The following SENP7 variants were observed in gnomAD, a reference collection of about 807,000 sequenced individuals.
SENP7 encodes the protein SUMO specific peptidase 7, also known as sentrin-specific protease 7.
SENP7 carries 64 observed loss-of-function variants against 141.2 expected under a neutral mutation model. The observed-to-expected ratio is 0.45, with a 90% CI of 0.37 to 0.56. The LOEUF (loss-of-function observed/expected upper bound fraction) is 0.56. Ranked by LOEUF, SENP7 falls within the 20% of genes least tolerant of loss-of-function variation. The probability of loss-of-function intolerance (pLI) is 0.00; values close to 1 mark genes in which losing one functional copy is unlikely to be tolerated. For missense variants in SENP7, 1,025 were observed against 1,212.2 expected, an observed-to-expected ratio of 0.85 and a Z score of 2.29; for synonymous variants, 382 against 426.4, an observed-to-expected ratio of 0.90 and a Z score of 1.28.
chr3:101,344,989 A>T (rs1221593483), intron 13 of SENP7, among the ~76,000 whole-genome samples: 1 of 113,796 alleles, frequency 8.8e-6, no homozygotes, highest in African/African-American at 3.3e-5. Flanking sequence ...AAAAAAAGAA[A>T]GCAAAAAAAA....
At chr3:101,447,366 C>G (rs528936880) in intron 4 of SENP7, among the ~76,000 whole-genome samples, 1 of 152,138 alleles carries the variant, frequency 6.6e-6, no homozygotes, top group East Asian at 1.9e-4. Context: ...CACTTAAGCC[C>G]AGGAGGTCAA....
chr3:101,334,462 C>G (rs1296327769), intron 17 of SENP7, among the ~76,000 whole-genome samples: 3 of 151,772 alleles, frequency 2.0e-5, no homozygotes, highest in African/African-American at 7.3e-5. Flanking sequence ...TTTATCAAGT[C>G]ATATAGGAAA....
rs1559685091 is a variant in SENP7 at position 101,337,565 on chromosome 3, G to A, written c.2424C>T (p.Phe808=). 1 of 1,587,784 alleles carries A rather than the reference G, an allele frequency of 6.3e-7. No individual in the cohort carries two copies. Among genetic ancestry groups the A allele is most frequent in the Non-Finnish European group, 8.6e-7 (1 of 1,158,688 alleles). The change falls in exon 17 of 24, where the codon TTC becomes TTT. Residue 808 remains phenylalanine, a synonymous_variant. Transcript: ENST00000394095. ...VERSHIFSSF[F]YKCLTRKENN... ...TTTCCTTTCTTGTCAAGCATTTATAGAAAAAGCTACTAAAAATGTGACTTC... is the reference window on the plus strand; with the variant it reads ...TTTCCTTTCTTGTCAAGCATTTATAAAAAAAGCTACTAAAAATGTGACTTC...
intron 3 of SENP7, among the ~76,000 whole-genome samples, chr3:101,482,495 T>A (rs1576487360): frequency 6.6e-6 from 1 of 152,168 alleles, no homozygotes; most frequent in Non-Finnish European, 1.5e-5. Context: ...CTTCACAAGT[T>A]GATCAACAGA....
chr3:101,422,043 A>T (rs915577589), intron 4 of SENP7, among the ~76,000 whole-genome samples: 5 of 152,278 alleles, frequency 3.3e-5, no homozygotes, highest in African/African-American at 1.2e-4. Flanking sequence ...ACACAGCAGG[A>T]GGTGAACGGT....
chr3:101,329,885 G>A (rs4683841), intron 20 of SENP7, among the ~76,000 whole-genome samples: 59,224 of 149,858 alleles, frequency 0.4, 12,230 homozygotes, highest in Admixed American at 0.53. Context: ...AATCCAGGAG[G>A]GGGAGGTTGC....
In SENP7 at chr3:101,331,995, G is replaced by T. The variant is rs79978030; in HGVS notation, c.2688C>A (p.Asn896Lys). 3 of 1,613,052 alleles carry T rather than the reference G, an allele frequency of 1.9e-6. No individual in the cohort carries two copies. In the African/African-American group the frequency reaches 4.0e-5, roughly 22 times the overall value. ...QSQAQQSQND[N>K]KTIDNDLRTT... is the part of the protein sequence containing the mutation. ...CGTTATGGATGTCACCTATTGTTTT[G>T]TTGTCATTTTGGGACTGCTGAGCCT... Residue 896 changes from asparagine (N) to lysine (K), a missense_variant, in exon 19 of 24, where the codon AAC becomes AAA. Asn to Lys is a moderately conservative substitution (Grantham distance 94). This residue lies in a region of SENP7 where 295 missense variants were observed against 459.1 expected (regional missense o/e 0.64). Transcript: ENST00000394095.
chr3:101,362,647 T>C (rs1465441818), intron 10 of SENP7, among the ~76,000 whole-genome samples: 1 of 152,202 alleles, frequency 6.6e-6, no homozygotes, highest in South Asian at 2.1e-4. Flanking sequence ...CCAATGTCTA[T>C]TGTTCCCATC....
intron 6 of SENP7, among the ~76,000 whole-genome samples, chr3:101,383,158 C>T (rs990097770): frequency 1.3e-5 from 2 of 152,170 alleles, no homozygotes; most frequent in Non-Finnish European, 2.9e-5. Flanking sequence ...TCCTTCAGGG[C>T]TTGGTGCCGT....
At chr3:101,385,211 T>C (rs2060619721) in intron 6 of SENP7, among the ~76,000 whole-genome samples, 1 of 151,952 alleles carries the variant, frequency 6.6e-6, no homozygotes, top group Non-Finnish European at 1.5e-5. Flanking sequence ...CATTGACATA[T>C]AGACAAAAAA....
At chr3:101,496,110 C>G (rs12490635) in intron 2 of SENP7, among the ~76,000 whole-genome samples, 60,383 of 151,976 alleles carry the variant, frequency 0.4, 12,509 homozygotes, top group Admixed American at 0.54. Context: ...TTCTTATAAA[C>G]AGACAAATAA....
rs1187061767 is a variant in SENP7, at chr3:101,381,847, A to G, written c.678-9721T>C. On this transcript the variant is annotated intron_variant, in intron 6 of 23. Coordinates refer to ENST00000394095, the MANE Select transcript of SENP7 (RefSeq NM_020654.5). ...AAGAGAAATTTTAAGTTAACAGGGG[A>G]AAATGATCTCAAAATAGAGTATCTT... is the stretch of plus-strand genomic sequence containing the variant. 2.0e-5 allele frequency among the ~76,000 whole-genome samples: 3 copies of G among 152,312 alleles called. No homozygotes were observed. In the East Asian group the frequency reaches 5.8e-4, roughly 29 times the overall value.
chr3:101,458,333 T>C (rs2063427440), intron 4 of SENP7, among the ~76,000 whole-genome samples: 1 of 152,238 alleles, frequency 6.6e-6, no homozygotes, highest in South Asian at 2.1e-4. Flanking sequence ...TGTCATTTTT[T>C]CATTCACTAT....
chr3:101,355,018 T>C lies in SENP7; in HGVS notation c.1624-3367A>G, dbSNP rs58926397. 3.7e-3 allele frequency among the ~76,000 whole-genome samples: 558 copies of C among 152,262 alleles called. 5 individuals are homozygous for C. The highest frequency in any genetic ancestry group is 0.013 in the African/African-American group (530 of 41,552). On this transcript the variant is annotated intron_variant, in intron 11 of 23. Coordinates refer to ENST00000394095, the MANE Select transcript of SENP7 (RefSeq NM_020654.5). Reference sequence around the variant, plus strand: ...ACCATATGCTTCTTGGCCACATGTATGTCTTTGGAAAAGTGTCTGCTCATG... The same window carrying C: ...ACCATATGCTTCTTGGCCACATGTACGTCTTTGGAAAAGTGTCTGCTCATG...
intron 1 of SENP7, among the ~76,000 whole-genome samples, chr3:101,505,917 C>T (rs1286239612): frequency 6.6e-6 from 1 of 151,976 alleles, no homozygotes; most frequent in Non-Finnish European, 1.5e-5. Context: ...AGTATATTAG[C>T]ATTAGCATAT....
chr3:101,462,791 C>T (rs978762421), intron 3 of SENP7, among the ~76,000 whole-genome samples: 1 of 151,630 alleles, frequency 6.6e-6, no homozygotes, highest in Non-Finnish European at 1.5e-5. Context: ...TCGCTGGAAC[C>T]CAGGAGGCAG....
At chr3:101,414,065 A>C (rs2061531479) in intron 5 of SENP7, among the ~76,000 whole-genome samples, 1 of 152,254 alleles carries the variant, frequency 6.6e-6, no homozygotes, top group Non-Finnish European at 1.5e-5. Context: ...AAGGAAACCT[A>C]ATCAAGTTAC....
intron 2 of SENP7, among the ~76,000 whole-genome samples, chr3:101,496,643 A>C: frequency 6.6e-6 from 1 of 151,206 alleles, no homozygotes. Flanking sequence ...CAGTGGCACA[A>C]CCTCAGCTAA....
chr3:101,506,926 T>G (rs1449777592), intron 1 of SENP7, among the ~76,000 whole-genome samples: 1 of 152,070 alleles, frequency 6.6e-6, no homozygotes, highest in Non-Finnish European at 1.5e-5. Flanking sequence ...CCAGGCATGA[T>G]AGTGCGGGCC....
Sources: gnomAD v4.1 joint callset for allele counts (sites outside exome capture counted in the v4.1 genomes callset) on GRCh38, gnomAD v4.1.1 for gene constraint, gnomAD v4.1.1 regional missense constraint, MANE v1.5 for transcripts, NCBI Gene and HGNC (gene_info 2026-07-23, HGNC 2026-07-21) for gene names.